The following NCR2 variants were observed in gnomAD, a reference collection of about 807,000 sequenced individuals.
The protein encoded by NCR2 is natural cytotoxicity triggering receptor 2.
Under a neutral mutation model 30.7 loss-of-function variants are expected in NCR2, and 35 were observed. The observed-to-expected ratio is 1.14, with a 90% CI of 0.87 to 1.51. The LOEUF is 1.51. NCR2 is among the 40% of genes most tolerant of loss of function. The pLI, the probability that NCR2 is intolerant of heterozygous loss-of-function variation, is 0.00. For missense variants in NCR2, 316 were observed against 328.9 expected (o/e 0.96, Z 0.30); for synonymous variants, 146 against 134.8 (o/e 1.08, Z -0.58).
intron 4 of NCR2, among the ~76,000 whole-genome samples, chr6:41,343,926 A>T (rs1769240306): frequency 6.6e-6 from 1 of 151,890 alleles, no homozygotes; most frequent in Admixed American, 6.6e-5. Flanking sequence ...CTGATTTAAC[A>T]CCCCAAATCC....
rs777857228 is a variant in NCR2 at position 41,350,790 on chromosome 6, G to GT, written c.758dup (p.Glu254ArgfsTer13). The GT allele has an allele frequency of 4.3e-6, 6 of 1,393,512 alleles. No individual in the cohort carries two copies. Among genetic ancestry groups the GT allele is most frequent in the African/African-American group, 2.8e-5 (2 of 70,718 alleles). 86.3% of individuals were successfully genotyped at this position (1,393,512 alleles called of 1,614,324 possible). A position where few individuals can be genotyped will look rare whatever the true frequency, so the allele number is the denominator to read the frequency against. Reference sequence around the variant, plus strand: ...TCCCTGGACCTCAGTTTCCTCACCTGTAGAGAGAGAAATATTATATCACAC... The same window carrying GT: ...TCCCTGGACCTCAGTTTCCTCACCTGTTAGAGAGAGAAATATTATATCACAC... On this transcript the variant is annotated frameshift_variant, in exon 5 of 5. Transcript: ENST00000373089. LOFTEE classifies it high-confidence loss of function.
chr6:41,339,051 A>C (rs1433779251), intron 2 of NCR2, among the ~76,000 whole-genome samples: 1 of 152,142 alleles, frequency 6.6e-6, no homozygotes, highest in African/African-American at 2.4e-5. Context: ...TTATATGTAT[A>C]TGCCACTTGT....
chr6:41,337,412 T>A (rs1451686739), intron 2 of NCR2, among the ~76,000 whole-genome samples: 1 of 152,218 alleles, frequency 6.6e-6, no homozygotes, highest in Non-Finnish European at 1.5e-5. Context: ...TTGTCATTCC[T>A]CAGTTAAAAC....
intron 4 of NCR2, 114 bp from the exon 5 acceptor site, chr6:41,350,564 G>A: frequency 1.2e-6 from 1 of 837,824 alleles, no homozygotes. Context: ...CTTGTGAGGT[G>A]GGTATGGCAA....
intron 2 of NCR2, among the ~76,000 whole-genome samples, 193 bp from the exon 3 acceptor site, chr6:41,341,600 GC>G (rs991979976): frequency 2.6e-5 from 4 of 152,114 alleles, no homozygotes; most frequent in African/African-American, 9.7e-5. Context: ...GCCCAGTAGA[GC>G]CCAGGCCACA....
rs754928303 is a variant in NCR2 at position 41,341,895 on chromosome 6, CCT to C, written c.497_498del (p.Pro166ArgfsTer100). 4 of 1,614,080 alleles carry C rather than the reference CCT, an allele frequency of 2.5e-6. No individual in the cohort carries two copies. Among genetic ancestry groups the C allele is most frequent in the Admixed American group, 1.7e-5 (1 of 60,024 alleles). ...VPPTAGARQA[P>X]ESPSTIPVPS... ...TCCCACTGCAGGAGCCAGACAAGCC[CCT>C]GAGTCTCCATCTACCATCCCTGTCC... On this transcript the variant is annotated frameshift_variant, in exon 3 of 5. Transcript: ENST00000373089. LOFTEE classifies it high-confidence loss of function.
intron 4 of NCR2, among the ~76,000 whole-genome samples, chr6:41,347,795 C>T (rs1769338487): frequency 6.6e-6 from 1 of 152,152 alleles, no homozygotes; most frequent in Non-Finnish European, 1.5e-5. Context: ...GGCTCAGAAC[C>T]TCTCTGGTGT....
chr6:41,344,715 C>T (rs142296814), intron 4 of NCR2, among the ~76,000 whole-genome samples: 5 of 152,292 alleles, frequency 3.3e-5, no homozygotes, highest in Admixed American at 6.5e-5. Context: ...TTTCTATGTC[C>T]TCCAAGTGCC....
chr6:41,349,803 C>T (rs76600362), intron 4 of NCR2, among the ~76,000 whole-genome samples: 1,950 of 152,314 alleles, frequency 0.013, 30 homozygotes, highest in African/African-American at 0.042. Flanking sequence ...CATCTTTAGA[C>T]CACATATTCC....
intron 4 of NCR2, among the ~76,000 whole-genome samples, chr6:41,349,726 G>T (rs1769384981): frequency 6.6e-6 from 1 of 152,100 alleles, no homozygotes; most frequent in Non-Finnish European, 1.5e-5. Flanking sequence ...AAACAATTTG[G>T]TTTTTCCTAC....
rs117069761 is a variant in NCR2, at chr6:41,342,050, C to T, written c.545C>T (p.Thr182Met). Residue 182 changes from threonine to methionine, a missense_variant, in exon 4 of 5, where the codon ACG (threonine) becomes ATG (methionine). Transcript: ENST00000373089. ...IPVPSQPQNS[T>M]LRPGPAAPIA... Reference sequence around the variant, plus strand: ...CTGCCTTCCAGGCCACAGAACTCCACGCTCCGCCCTGGCCCTGCAGCCCCC... The same window carrying T: ...CTGCCTTCCAGGCCACAGAACTCCATGCTCCGCCCTGGCCCTGCAGCCCCC... The T allele has an allele frequency of 4.0e-4, 641 of 1,613,952 alleles. 7 individuals carry two copies. The East Asian group carries it at 0.012, about 30-fold the overall frequency.
intron 4 of NCR2, among the ~76,000 whole-genome samples, chr6:41,343,815 T>C (rs1482145402): frequency 6.6e-6 from 1 of 152,182 alleles, no homozygotes; most frequent in Non-Finnish European, 1.5e-5. Context: ...AACTTGGTTT[T>C]GGCTTGGTGG....
chr6:41,339,481 G>T (rs1410882270), intron 2 of NCR2, among the ~76,000 whole-genome samples: 1 of 150,132 alleles, frequency 6.7e-6, no homozygotes, highest in Admixed American at 6.6e-5. Flanking sequence ...CGCCTCCTGG[G>T]TTCACACCTT....
At chr6:41,337,415 G>A (rs6916812) in intron 2 of NCR2, among the ~76,000 whole-genome samples, 1,617 of 152,256 alleles carry the variant, frequency 0.011, 34 homozygotes, top group African/African-American at 0.036. Context: ...TCATTCCTCA[G>A]TTAAAACTAA....
chr6:41,336,132 G>A lies in NCR2; in HGVS notation c.98G>A (p.Gly33Glu). 6.2e-7 allele frequency: 1 copy of A among 1,614,136 alleles called. No homozygotes were observed. The highest frequency in any genetic ancestry group is 8.5e-7 in the Non-Finnish European group (1 of 1,180,036). ...SKAQVLQSVAGQTLTVRCQYP... is the reference protein window; with the variant it reads ...SKAQVLQSVAEQTLTVRCQYP... Reference sequence around the variant, plus strand: ...GCTCAGGTACTTCAAAGTGTGGCAGGGCAGACGCTAACCGTGAGATGCCAG... The same window carrying A: ...GCTCAGGTACTTCAAAGTGTGGCAGAGCAGACGCTAACCGTGAGATGCCAG... The change falls in exon 2 of 5, where the codon GGG (glycine) becomes GAG (glutamate). Residue 33 changes from glycine to glutamate, a missense_variant. Coordinates refer to ENST00000373089, the MANE Select transcript of NCR2 (RefSeq NM_004828.4).
chr6:41,339,759 C>G (rs1010833443), intron 2 of NCR2, among the ~76,000 whole-genome samples: 6 of 152,166 alleles, frequency 3.9e-5, no homozygotes, highest in Non-Finnish European at 7.3e-5. Flanking sequence ...TCACAGGTAC[C>G]TGGGATTAGG....
At chr6:41,342,828 G>A (rs983260195) in intron 4 of NCR2, 18 of 1,156,304 alleles carry the variant, frequency 1.6e-5, no homozygotes, top group Middle Eastern at 1.9e-4. Context: ...GCCAGGAGCC[G>A]GCTTGCTGGA....
At chr6:41,339,092 C>T (rs375088835) in intron 2 of NCR2, among the ~76,000 whole-genome samples, 6 of 152,154 alleles carry the variant, frequency 3.9e-5, no homozygotes, top group East Asian at 1.9e-4. Context: ...CGTTTTGAGG[C>T]GGAGTCTCGC....
At position 41,335,876 on chromosome 6, in the gene NCR2, C is replaced by T. The variant is rs1450433783; in HGVS notation, c.-1C>T. On this transcript the variant is annotated 5_prime_UTR_variant, in exon 1 of 5. Coordinates refer to ENST00000373089, the MANE Select transcript of NCR2 (RefSeq NM_004828.4). ...CCATGAGCGCACAGGAAAAGGACCA[C>T]ATGGCCTGGCGAGCCCTACACCCAC... is the stretch of plus-strand genomic sequence containing the variant. The T allele has an allele frequency of 6.4e-7, 1 of 1,566,210 alleles. No homozygotes were observed. Among genetic ancestry groups the T allele is most frequent in the African/African-American group, 1.4e-5 (1 of 73,970 alleles).
Sources: gnomAD v4.1 joint callset for allele counts (sites outside exome capture counted in the v4.1 genomes callset) on GRCh38, gnomAD v4.1.1 for gene constraint, MANE v1.5 for transcripts, NCBI Gene and HGNC (gene_info 2026-07-23, HGNC 2026-07-21) for gene names.